SPATS2L: variants seen among roughly 807,000 people sequenced by gnomAD.
SPATS2L encodes the protein spermatogenesis associated serine rich 2 like.
In SPATS2L, 30 loss-of-function variants were observed where a neutral mutation model predicts 59.6. The observed-to-expected ratio is 0.50, with a 90% CI of 0.38 to 0.68. SPATS2L has a LOEUF of 0.68. Among genes scored for constraint, SPATS2L ranks in the 30% least tolerant of loss-of-function variants. The pLI, the probability that SPATS2L is intolerant of heterozygous loss-of-function variation, is 0.00. For missense variants in SPATS2L, 615 were observed against 700.0 expected (o/e 0.88, Z 1.37); for synonymous variants, 252 against 263.5 (o/e 0.96, Z 0.42).
At chr2:200,405,157 G>A (rs1019013383) in intron 3 of SPATS2L, among the ~76,000 whole-genome samples, 1 of 152,084 alleles carries the variant, frequency 6.6e-6, no homozygotes, top group Non-Finnish European at 1.5e-5. Flanking sequence ...ACATCAGCTG[G>A]GAGCTGATTA....
intron 12 of SPATS2L, among the ~76,000 whole-genome samples, chr2:200,474,302 C>G (rs527238640): frequency 6.6e-6 from 1 of 152,066 alleles, no homozygotes; most frequent in East Asian, 1.9e-4. Flanking sequence ...ATAATCAAAT[C>G]TGTTTTTACT....
chr2:200,451,971 G>GT (rs2085485796), intron 8 of SPATS2L, among the ~76,000 whole-genome samples: 1 of 151,784 alleles, frequency 6.6e-6, no homozygotes, highest in African/African-American at 2.4e-5. Context: ...ATATTTTCCA[G>GT]TTTTTTAGTA....
intron 5 of SPATS2L, among the ~76,000 whole-genome samples, chr2:200,418,394 G>T (rs2083155800): frequency 6.6e-6 from 1 of 151,994 alleles, no homozygotes; most frequent in East Asian, 1.9e-4. Flanking sequence ...GCAACATAGG[G>T]AGACCCTGTA....
chr2:200,333,276 AC>A (rs1648534148), intron 2 of SPATS2L, among the ~76,000 whole-genome samples: 1 of 150,824 alleles, frequency 6.6e-6, no homozygotes, highest in African/African-American at 2.4e-5. Flanking sequence ...ACAGGACAAG[AC>A]CCTGTCTCAA....
At chr2:200,402,145 G>A (rs763666170) in intron 3 of SPATS2L, among the ~76,000 whole-genome samples, 2 of 152,092 alleles carry the variant, frequency 1.3e-5, no homozygotes, top group African/African-American at 2.4e-5. Flanking sequence ...CTCTCCCCTG[G>A]ACAGTATTAG....
chr2:200,450,417 T>C (rs2085357638), intron 8 of SPATS2L, among the ~76,000 whole-genome samples: 2 of 152,194 alleles, frequency 1.3e-5, no homozygotes, highest in African/African-American at 4.8e-5. Flanking sequence ...CTACTTTTTA[T>C]TACTTGATGA....
At chr2:200,396,560 CAT>C (rs748230053) in intron 3 of SPATS2L, among the ~76,000 whole-genome samples, 41 of 152,136 alleles carry the variant, frequency 2.7e-4, no homozygotes, top group Non-Finnish European at 5.0e-4. Flanking sequence ...AGAGTAGTGA[CAT>C]ATAGTTCAAA....
At chr2:200,395,009 C>G (rs1356923778) in intron 3 of SPATS2L, among the ~76,000 whole-genome samples, 1 of 152,082 alleles carries the variant, frequency 6.6e-6, no homozygotes, top group Non-Finnish European at 1.5e-5. Flanking sequence ...CTAATCTGAT[C>G]TTATATTTAG....
intron 2 of SPATS2L, among the ~76,000 whole-genome samples, chr2:200,336,852 G>C (rs2105809835): frequency 6.6e-6 from 1 of 152,314 alleles, no homozygotes; most frequent in South Asian, 2.1e-4. Flanking sequence ...TTAAAGCTGT[G>C]AAGAGTGTTG....
chr2:200,307,668 T>G (rs2079071253), intron 1 of SPATS2L, among the ~76,000 whole-genome samples: 1 of 152,182 alleles, frequency 6.6e-6, no homozygotes, highest in Non-Finnish European at 1.5e-5. Flanking sequence ...ACTCTGAATA[T>G]CATGCTGCCG....
At chr2:200,463,235 A>T (rs2086367705) in intron 9 of SPATS2L, 1 of 152,120 alleles carries the variant, frequency 6.6e-6, no homozygotes, top group African/African-American at 2.4e-5. Context: ...ACCATCTTTA[A>T]TTTGGTTCTC....
At chr2:200,350,239 C>A (rs939911713) in intron 2 of SPATS2L, among the ~76,000 whole-genome samples, 2 of 152,050 alleles carry the variant, frequency 1.3e-5, no homozygotes, top group African/African-American at 4.8e-5. Flanking sequence ...ATCTGTGGGC[C>A]CTTAAGTCTC....
chr2:200,418,859 A>G (rs2083184910), intron 5 of SPATS2L, among the ~76,000 whole-genome samples: 1 of 152,162 alleles, frequency 6.6e-6, no homozygotes, highest in Non-Finnish European at 1.5e-5. Flanking sequence ...CCTCCCCAGC[A>G]TTCACCACTT....
At chr2:200,435,461 A>G (rs2084217968) in intron 6 of SPATS2L, among the ~76,000 whole-genome samples, 1 of 152,150 alleles carries the variant, frequency 6.6e-6, no homozygotes, top group African/African-American at 2.4e-5. Flanking sequence ...GTGGAATCTA[A>G]TATTTGATGA....
chr2:200,472,116 C>T (rs372415049), intron 11 of SPATS2L, among the ~76,000 whole-genome samples: 1 of 152,070 alleles, frequency 6.6e-6, no homozygotes, highest in Non-Finnish European at 1.5e-5. Flanking sequence ...TGAGCTCTGA[C>T]GGGTGTCCGC....
chr2:200,307,655 C>A (rs902778069), intron 1 of SPATS2L, among the ~76,000 whole-genome samples: 1 of 152,230 alleles, frequency 6.6e-6, no homozygotes, highest in East Asian at 1.9e-4. Flanking sequence ...TGGACGCCGG[C>A]GCACTCTGAA....
chr2:200,345,441 CAT>C (rs1216996422), intron 2 of SPATS2L, among the ~76,000 whole-genome samples: 2 of 151,850 alleles, frequency 1.3e-5, no homozygotes, highest in African/African-American at 4.8e-5. Context: ...TTCAGCTGAA[CAT>C]GTGTGCTGTG....
intron 5 of SPATS2L, among the ~76,000 whole-genome samples, chr2:200,418,419 T>A (rs1207798178): frequency 6.6e-6 from 1 of 151,802 alleles, no homozygotes; most frequent in Non-Finnish European, 1.5e-5. Context: ...CAAAACATTT[T>A]AAAAAATAGC....
At chr2:200,458,602 C>A (rs1405494444) in intron 8 of SPATS2L, among the ~76,000 whole-genome samples, 1 of 152,090 alleles carries the variant, frequency 6.6e-6, no homozygotes, top group Non-Finnish European at 1.5e-5. Flanking sequence ...AACCTAATTT[C>A]TTCAACAAAT....
Sources: gnomAD v4.1 joint callset for allele counts (sites outside exome capture counted in the v4.1 genomes callset) on GRCh38, gnomAD v4.1.1 for gene constraint, MANE v1.5 for transcripts, NCBI Gene and HGNC (gene_info 2026-07-23, HGNC 2026-07-21) for gene names.